Variants in GNAO1 observed in about 807,000 individuals in gnomAD.
The protein encoded by GNAO1 is guanine nucleotide-binding protein G(o) subunit alpha.
For missense variants in GNAO1, 166 were observed against 478.7 expected, an observed-to-expected ratio of 0.35 and a Z score of 6.10; for synonymous variants, 164 against 180.7, an observed-to-expected ratio of 0.91 and a Z score of 0.74.
At chr16:56,345,031 G>C (rs1248212912) in intron 6 of GNAO1, 1 of 985,398 alleles carries the variant, frequency 1.0e-6, no homozygotes, top group Non-Finnish European at 1.2e-6. Flanking sequence ...GGAGTATTTG[G>C]ACCCAGGCCA....
intron 3 of GNAO1, among the ~76,000 whole-genome samples, chr16:56,293,376 C>G (rs916161425): frequency 1.3e-5 from 2 of 152,152 alleles, no homozygotes; most frequent in African/African-American, 2.4e-5. Context: ...TGTGACATGA[C>G]AGAGCCCACC....
chr16:56,310,895 A>C lies in GNAO1; in HGVS notation c.304-17736A>C, dbSNP rs9922179. ...ACACCTTCCATCTTATGGCACCACC[A>C]CCCCCTAGGATTTTGTCATCATGTG... On this transcript the variant is annotated intron_variant, in intron 3 of 8. Coordinates refer to ENST00000262493, the MANE Select transcript of GNAO1 (RefSeq NM_020988.3). 3.7e-3 allele frequency among the ~76,000 whole-genome samples: 558 copies of C among 151,536 alleles called. 3 individuals are homozygous for C. Among genetic ancestry groups the C allele is most frequent in the African/African-American group, 0.013 (522 of 41,300 alleles).
intron 6 of GNAO1, chr16:56,345,928 G>A: frequency 1.0e-6 from 1 of 985,532 alleles, no homozygotes; most frequent in Non-Finnish European, 1.2e-6. Context: ...TGGGCTGGAG[G>A]GCTCTCCATG....
At chr16:56,215,927 TGAG>T (rs1257955542) in intron 2 of GNAO1, among the ~76,000 whole-genome samples, 1 of 152,258 alleles carries the variant, frequency 6.6e-6, no homozygotes, top group African/African-American at 2.4e-5. Flanking sequence ...CTCTTCCTGA[TGAG>T]AAGACTGCTG....
In GNAO1 at chr16:56,328,759, C is replaced by T. The variant is rs751417087; in HGVS notation, c.432C>T (p.Ser144=). 3 of 1,614,226 alleles carry T rather than the reference C, an allele frequency of 1.9e-6. No individual in the cohort carries two copies. In the South Asian group the frequency reaches 3.3e-5, roughly 18 times the overall value. The change falls in exon 4 of 9, where the codon TCC becomes TCT. Residue 144 remains serine (S), a synonymous_variant. Coordinates refer to ENST00000262493, the MANE Select transcript of GNAO1 (RefSeq NM_020988.3). ...DSGIQECFNR[S]REYQLNDSAK... Reference sequence around the variant, plus strand: ...GAATCCAAGAGTGCTTCAACCGGTCCCGGGAGTATCAGCTCAACGACTCTG... The same window carrying T: ...GAATCCAAGAGTGCTTCAACCGGTCTCGGGAGTATCAGCTCAACGACTCTG...
chr16:56,325,515 A>G (rs970779646), intron 3 of GNAO1, among the ~76,000 whole-genome samples: 22 of 152,188 alleles, frequency 1.4e-4, no homozygotes, highest in African/African-American at 5.3e-4. Flanking sequence ...CATGAATAAA[A>G]TATCCCAATT....
At chr16:56,195,797 A>T (rs1242979871) in intron 2 of GNAO1, among the ~76,000 whole-genome samples, 1 of 152,232 alleles carries the variant, frequency 6.6e-6, no homozygotes, top group Non-Finnish European at 1.5e-5. Flanking sequence ...AACTCCTTTT[A>T]TTTAGCATTT....
chr16:56,281,479 C>T (rs2037113778), intron 3 of GNAO1, among the ~76,000 whole-genome samples: 1 of 152,038 alleles, frequency 6.6e-6, no homozygotes. Context: ...TCTGCCTCTC[C>T]TTCACTCCTC....
chr16:56,325,163 C>T (rs1308936075), intron 3 of GNAO1, among the ~76,000 whole-genome samples: 1 of 152,194 alleles, frequency 6.6e-6, no homozygotes, highest in Admixed American at 6.5e-5. Flanking sequence ...GGGTTTGCGG[C>T]AGAAAAATTA....
intron 2 of GNAO1, 44 bp from the exon 3 acceptor site, chr16:56,275,887 G>T: frequency 6.4e-7 from 1 of 1,571,568 alleles, no homozygotes; most frequent in Non-Finnish European, 8.7e-7. Flanking sequence ...GTGTTGATGA[G>T]GACAATGCTC....
chr16:56,285,132 G>A (rs901429517), intron 3 of GNAO1, among the ~76,000 whole-genome samples: 4 of 152,170 alleles, frequency 2.6e-5, no homozygotes, highest in African/African-American at 9.7e-5. Flanking sequence ...TGTAGAAAAG[G>A]GCATGGAATT....
intron 2 of GNAO1, among the ~76,000 whole-genome samples, chr16:56,229,566 T>C (rs976929285): frequency 1.3e-5 from 2 of 151,986 alleles, no homozygotes; most frequent in Non-Finnish European, 2.9e-5. Context: ...CTATAAATAA[T>C]TGGATCTCTG....
At chr16:56,283,620 C>CAAGGATGCT (rs1320885839) in intron 3 of GNAO1, among the ~76,000 whole-genome samples, 2 of 152,180 alleles carry the variant, frequency 1.3e-5, no homozygotes, top group Non-Finnish European at 2.9e-5. Flanking sequence ...CAGATAAAAA[C>CAAGGATGCT]AAGGATGCTA....
intron 3 of GNAO1, among the ~76,000 whole-genome samples, chr16:56,287,480 G>T (rs1398114210): frequency 6.6e-6 from 1 of 152,188 alleles, no homozygotes; most frequent in African/African-American, 2.4e-5. Context: ...GGTTGTTGTG[G>T]CTAAAAGAAA....
chr16:56,344,267 A>C, intron 6 of GNAO1: 1 of 1,272,858 alleles, frequency 7.9e-7, no homozygotes, highest in Non-Finnish European at 1.0e-6. Context: ...CACACCCTGC[A>C]CCTGATGACT....
At chr16:56,297,115 G>A (rs1596848938) in intron 3 of GNAO1, among the ~76,000 whole-genome samples, 1 of 152,306 alleles carries the variant, frequency 6.6e-6, no homozygotes, top group South Asian at 2.1e-4. Context: ...CGCCCTTTGG[G>A]AGTAGGACAC....
intron 6 of GNAO1, among the ~76,000 whole-genome samples, chr16:56,349,912 C>G (rs2037905607): frequency 2.0e-5 from 3 of 152,202 alleles, no homozygotes; most frequent in Non-Finnish European, 4.4e-5. Context: ...AGTATCGATT[C>G]CTCGAAAGCC....
intron 2 of GNAO1, among the ~76,000 whole-genome samples, chr16:56,247,195 C>A (rs56023850): frequency 0.017 from 2,636 of 152,332 alleles, 47 homozygotes; most frequent in South Asian, 0.053. Flanking sequence ...CGCCGGCCAT[C>A]CAGGCAGAAC....
chr16:56,240,991 G>A (rs2036688888), intron 2 of GNAO1, among the ~76,000 whole-genome samples: 1 of 152,158 alleles, frequency 6.6e-6, no homozygotes, highest in African/African-American at 2.4e-5. Flanking sequence ...CCAGGAGGTG[G>A]CATCAGCACC....
Sources: gnomAD v4.1 joint callset for allele counts (sites outside exome capture counted in the v4.1 genomes callset) on GRCh38, gnomAD v4.1.1 for gene constraint, MANE v1.5 for transcripts, NCBI Gene and HGNC (gene_info 2026-07-23, HGNC 2026-07-21) for gene names.